PTPRN2: variants seen among roughly 807,000 people sequenced by gnomAD.
The protein encoded by PTPRN2 is receptor-type tyrosine-protein phosphatase N2.
Under a neutral mutation model 118.8 loss-of-function variants are expected in PTPRN2, and 74 were observed. The observed-to-expected ratio is 0.62, with a 90% CI of 0.52 to 0.76. The LOEUF (loss-of-function observed/expected upper bound fraction) is 0.76. Among genes scored for constraint, PTPRN2 ranks in the 30% least tolerant of loss-of-function variants. The pLI, the probability that PTPRN2 is intolerant of heterozygous loss-of-function variation, is 0.00. For synonymous variants in PTPRN2, 641 were observed against 608.0 expected (o/e 1.05, Z -0.80); for missense variants, 1,481 against 1,394.4 (o/e 1.06, Z -0.99).
At chr7:158,054,680 C>A (rs760370319) in intron 11 of PTPRN2, among the ~76,000 whole-genome samples, 4 of 152,240 alleles carry the variant, frequency 2.6e-5, no homozygotes, top group Non-Finnish European at 5.9e-5. Flanking sequence ...CCATCCCACA[C>A]CTCTACACGG....
intron 11 of PTPRN2, among the ~76,000 whole-genome samples, chr7:157,925,377 G>A (rs552449058): frequency 6.6e-6 from 1 of 152,264 alleles, no homozygotes; most frequent in East Asian, 1.9e-4. Context: ...CATTTAGCAC[G>A]TTGCTTTAGT....
intron 14 of PTPRN2, among the ~76,000 whole-genome samples, chr7:157,654,967 A>G (rs1384055702): frequency 6.6e-6 from 1 of 152,208 alleles, no homozygotes; most frequent in Non-Finnish European, 1.5e-5. Context: ...AAAAGGGACA[A>G]ATGTCAAAAC....
At chr7:158,019,113 C>T (rs1405834571) in intron 11 of PTPRN2, among the ~76,000 whole-genome samples, 2 of 152,246 alleles carry the variant, frequency 1.3e-5, no homozygotes, top group Non-Finnish European at 2.9e-5. Flanking sequence ...TCTGGATCCC[C>T]CACGGAAGCA....
At chr7:158,165,920 G>T in intron 6 of PTPRN2, among the ~76,000 whole-genome samples, 1 of 152,302 alleles carries the variant, frequency 6.6e-6, no homozygotes, top group Middle Eastern at 3.4e-3. Flanking sequence ...ACACTGTTCA[G>T]CTAGTGCATG....
chr7:158,037,831 T>C (rs1402067744), intron 11 of PTPRN2, among the ~76,000 whole-genome samples: 1 of 152,100 alleles, frequency 6.6e-6, no homozygotes, highest in Non-Finnish European at 1.5e-5. Context: ...TGGGGGAGGG[T>C]TGCAATTCAC....
chr7:158,149,245 A>T (rs1046083347), intron 6 of PTPRN2, among the ~76,000 whole-genome samples: 1 of 151,960 alleles, frequency 6.6e-6, no homozygotes, highest in Non-Finnish European at 1.5e-5. Flanking sequence ...CACCAATTAT[A>T]GTACAGGGAA....
chr7:158,537,941 T>C (rs1471484281), intron 1 of PTPRN2, among the ~76,000 whole-genome samples: 1 of 152,272 alleles, frequency 6.6e-6, no homozygotes, highest in Non-Finnish European at 1.5e-5. Context: ...TTTCAAATTC[T>C]AGTAGCAGAA....
rs1000036566 is a variant in PTPRN2, at chr7:157,986,003, G to A, written c.1724-87266C>T. Among the ~76,000 whole-genome samples the A allele has an allele frequency of 6.6e-6, 1 of 152,226 alleles. No individual in the cohort carries two copies. The highest frequency in any genetic ancestry group is 1.5e-5 in the Non-Finnish European group (1 of 68,036). On this transcript the variant is annotated intron_variant, in intron 11 of 22. Transcript: ENST00000389418. This position sits in a 1 kb window ranked among gnomAD's most constrained non-coding sequence, Gnocchi z 4.5. ...CACCGCATGTGAAATGCTTGGGGTT[G>A]AAATGTAACGAATCTCTCACTACTG... is the stretch of plus-strand genomic sequence containing the variant.
rs1377322788 is a variant in PTPRN2, at chr7:158,093,191, CTCT to C, written c.1644-11817_1644-11815del. Among the ~76,000 whole-genome samples, 32 of 138,378 alleles carry C rather than the reference CTCT, an allele frequency of 2.3e-4. No individual in the cohort carries two copies. Among genetic ancestry groups the C allele is most frequent in the African/African-American group, 9.0e-4 (31 of 34,390 alleles). 90.8% of individuals were successfully genotyped at this position (138,378 alleles called of 152,430 possible). A position where few individuals can be genotyped will look rare whatever the true frequency, so the allele number is the denominator to read the frequency against. On this transcript the variant is annotated intron_variant, in intron 10 of 22. Coordinates refer to ENST00000389418, the MANE Select transcript of PTPRN2 (RefSeq NM_002847.5). This position sits in a 1 kb window ranked among gnomAD's most constrained non-coding sequence, Gnocchi z 4.4. ...CATAGACCCACACGCAGGCCTGCAC[CTCT>C]GTCCTTTCCTGACTCTGCCGCTGGA...
intron 2 of PTPRN2, among the ~76,000 whole-genome samples, chr7:158,350,017 C>T (rs1316812702): frequency 6.6e-6 from 1 of 152,158 alleles, no homozygotes; most frequent in African/African-American, 2.4e-5. Flanking sequence ...GGATTCCTTC[C>T]GGCAAAAGGT....
At position 158,438,281 on chromosome 7, in the gene PTPRN2, G is replaced by T. The variant is rs1201315761; in HGVS notation, c.163+51454C>A. On this transcript the variant is annotated intron_variant, in intron 2 of 22. Coordinates refer to ENST00000389418, the MANE Select transcript of PTPRN2 (RefSeq NM_002847.5). This position sits in a 1 kb window ranked among gnomAD's most constrained non-coding sequence, Gnocchi z 4.7. ...TAATCCCAGCTACTGGGAGGCTGAG[G>T]CAGGAGAATTGCTTGAACCTGGGAG... is the stretch of plus-strand genomic sequence containing the variant. 1.3e-5 allele frequency among the ~76,000 whole-genome samples: 2 copies of T among 152,094 alleles called. No individual in the cohort carries two copies. The highest frequency in any genetic ancestry group is 2.9e-5 in the Non-Finnish European group (2 of 68,004).
chr7:158,077,510 CATGAG>C (rs1563401716), intron 11 of PTPRN2, among the ~76,000 whole-genome samples: 8 of 141,214 alleles, frequency 5.7e-5, no homozygotes, highest in African/African-American at 2.3e-4. Flanking sequence ...AGGAGCCCCC[CATGAG>C]CCTCACCCCA....
intron 2 of PTPRN2, among the ~76,000 whole-genome samples, chr7:158,405,838 C>G (rs1176158612): frequency 1.4e-5 from 2 of 147,136 alleles, no homozygotes; most frequent in Non-Finnish European, 3.0e-5. Flanking sequence ...AGACATGTGG[C>G]CACACACTGA....
At chr7:158,096,161 T>C (rs1343817601) in intron 10 of PTPRN2, among the ~76,000 whole-genome samples, 16 of 152,220 alleles carry the variant, frequency 1.1e-4, no homozygotes, top group Admixed American at 9.2e-4. Flanking sequence ...GACGTTATTC[T>C]AGTTTTTCCT....
intron 5 of PTPRN2, among the ~76,000 whole-genome samples, chr7:158,171,105 C>CAT (rs1201240473): frequency 1.1e-4 from 13 of 115,134 alleles, no homozygotes; most frequent in East Asian, 6.7e-4. Flanking sequence ...TATATATACA[C>CAT]ATATATATAC....
chr7:158,240,851 T>C lies in PTPRN2; in HGVS notation c.278-35578A>G, dbSNP rs554986332. ...AAAGAAGAAAAACATCATTGAATAA[T>C]TGAGATACAATTCTCAGTCTAAGGC... On this transcript the variant is annotated intron_variant, in intron 3 of 22. Transcript: ENST00000389418. Among the ~76,000 whole-genome samples the C allele has an allele frequency of 5.3e-5, 8 of 152,374 alleles. No individual in the cohort carries two copies. In the South Asian group the frequency reaches 1.4e-3, roughly 28 times the overall value.
chr7:158,537,783 G>A (rs1423477211), intron 1 of PTPRN2, among the ~76,000 whole-genome samples: 2 of 152,180 alleles, frequency 1.3e-5, no homozygotes, highest in Non-Finnish European at 2.9e-5. Flanking sequence ...TAGGCTAAAT[G>A]ACCCTTACAT....
chr7:158,154,637 T>C (rs967996270), intron 6 of PTPRN2, among the ~76,000 whole-genome samples: 1 of 152,118 alleles, frequency 6.6e-6, no homozygotes, highest in African/African-American at 2.4e-5. Context: ...TTAGAATCAC[T>C]ATAATAGGAA....
At chr7:158,094,095 G>GT (rs1814427908) in intron 10 of PTPRN2, among the ~76,000 whole-genome samples, 2 of 152,294 alleles carry the variant, frequency 1.3e-5, no homozygotes, top group African/African-American at 4.8e-5. Flanking sequence ...AGATTGTTCA[G>GT]TATGTATGCT....
Sources: allele counts gnomAD v4.1 joint callset (sites outside exome capture counted in the v4.1 genomes callset), GRCh38; gene constraint gnomAD v4.1.1; non-coding constraint Gnocchi (gnomAD v3.1); transcripts MANE v1.5; gene names NCBI Gene and HGNC (gene_info 2026-07-23, HGNC 2026-07-21).